Variants in C22orf39 observed in about 807,000 individuals in gnomAD.
C22orf39 encodes synaptic plasticity regulator PANTS.
Under a neutral mutation model 18.3 loss-of-function variants are expected in C22orf39, and 20 were observed. The ratio of observed to expected loss-of-function variants is 1.09; its 90% CI spans 0.77 to 1.59. The LOEUF is 1.59. C22orf39 is among the 40% of genes most tolerant of loss of function. The pLI is 0.00. For missense variants in C22orf39, 195 were observed against 156.1 expected (o/e 1.25, Z -1.33); for synonymous variants, 63 against 59.6 (o/e 1.06, Z -0.26).
Position 19,441,929 on chromosome 22 carries a change from G to A in C22orf39, c.*2336C>T. On this transcript the variant is annotated 3_prime_UTR_variant, in exon 3 of 3. Coordinates refer to ENST00000399562, the MANE Select transcript of C22orf39 (RefSeq NM_173793.5). Reference sequence around the variant, plus strand: ...CCTATCTCAGCCTCCGAAGTAGCTGGAACTACAAATGCACGCCACCATGCA... The same window carrying A: ...CCTATCTCAGCCTCCGAAGTAGCTGAAACTACAAATGCACGCCACCATGCA... 4.1e-6 allele frequency: 2 copies of A among 489,500 alleles called. No individual in the cohort carries two copies. The highest frequency in any genetic ancestry group is 7.2e-6 in the Non-Finnish European group (2 of 278,722). The allele number at this position is 489,500 out of a possible 1,614,324, so 30.3% of individuals were successfully genotyped here.
In C22orf39 at chr22:19,441,684, A is replaced by G; in HGVS notation, c.*2581T>C. The G allele has an allele frequency of 6.5e-7, 1 of 1,546,714 alleles. No homozygotes were observed. The highest frequency in any genetic ancestry group is 8.7e-7 in the Non-Finnish European group (1 of 1,142,948). On this transcript the variant is annotated 3_prime_UTR_variant, in exon 3 of 3. Coordinates refer to ENST00000399562, the MANE Select transcript of C22orf39 (RefSeq NM_173793.5). ...GCTGAGATTACAGGTGTGAGCCACCACACTTAGCACCTGTCCAAAAAGTTT... is the reference window on the plus strand; with the variant it reads ...GCTGAGATTACAGGTGTGAGCCACCGCACTTAGCACCTGTCCAAAAAGTTT...
chr22:19,447,333 C>G, intron 2 of C22orf39, 45 bp downstream of exon 2: 3 of 1,406,606 alleles, frequency 2.1e-6, no homozygotes, highest in Non-Finnish European at 2.8e-6. Context: ...AAAGCTGGGC[C>G]CCGCAAGGCG....
intron 2 of C22orf39, among the ~76,000 whole-genome samples, chr22:19,446,610 A>AAAAAAC (rs1159677642): frequency 6.6e-6 from 1 of 152,246 alleles, no homozygotes; most frequent in Non-Finnish European, 1.5e-5. Context: ...TTGCTGGACG[A>AAAAAAC]AAAAACAACT....
In C22orf39 at chr22:19,447,697, G is replaced by A. The variant is rs766770879; in HGVS notation, c.-9C>T. On this transcript the variant is annotated 5_prime_UTR_variant, in exon 1 of 3. Transcript: ENST00000399562. ...CCGCTGCCGTCCGCCATGTCTGGGC[G>A]ACCGGCGCGCCAAGCCCGCCCCTCA... The A allele has an allele frequency of 1.2e-6, 2 of 1,608,408 alleles. No homozygotes were observed. The highest frequency in any genetic ancestry group is 8.5e-7 in the Non-Finnish European group (1 of 1,178,062).
At chr22:19,447,586 C>A in intron 1 of C22orf39, 41 bp from the exon 2 acceptor site, 2 of 1,419,966 alleles carry the variant, frequency 1.4e-6, no homozygotes, top group Middle Eastern at 2.5e-4. Flanking sequence ...CCGGCGGCCG[C>A]GCCCTACGCC....
intron 2 of C22orf39, among the ~76,000 whole-genome samples, chr22:19,444,704 G>A (rs1271400067): frequency 6.6e-6 from 1 of 152,184 alleles, no homozygotes; most frequent in Non-Finnish European, 1.5e-5. Flanking sequence ...CGTGAGTCTG[G>A]GGCATATTCA....
intron 2 of C22orf39, among the ~76,000 whole-genome samples, chr22:19,445,680 C>CT (rs1019339404): frequency 2.0e-5 from 3 of 151,176 alleles, no homozygotes; most frequent in Non-Finnish European, 4.4e-5. Flanking sequence ...TTGATTTTTT[C>CT]TTTTTTTTTC....
chr22:19,443,173 G>C lies in C22orf39; in HGVS notation c.*1092C>G. On this transcript the variant is annotated 3_prime_UTR_variant, in exon 3 of 3. Transcript: ENST00000399562. ...AGCAGGGAAATACTGTTCTTTAATGGACACCCTTCTAACGTGATAGATTAT... is the reference window on the plus strand; with the variant it reads ...AGCAGGGAAATACTGTTCTTTAATGCACACCCTTCTAACGTGATAGATTAT... The C allele has an allele frequency of 1.0e-6, 1 of 983,432 alleles. No individual in the cohort carries two copies. Among genetic ancestry groups the C allele is most frequent in the South Asian group, 4.7e-5 (1 of 21,088 alleles). The allele number at this position is 983,432 out of a possible 1,614,324, so 60.9% of individuals were successfully genotyped here.
Position 19,443,098 on chromosome 22 carries a change from CTG to C in C22orf39, c.*1165_*1166del. 2.3e-4 allele frequency: 206 copies of C among 905,452 alleles called. No individual in the cohort carries two copies. Among genetic ancestry groups the C allele is most frequent in the Middle Eastern group, 5.4e-4 (1 of 1,844 alleles). 56.1% of individuals were successfully genotyped at this position (905,452 alleles called of 1,614,324 possible). On this transcript the variant is annotated 3_prime_UTR_variant, in exon 3 of 3. Coordinates refer to ENST00000399562, the MANE Select transcript of C22orf39 (RefSeq NM_173793.5). Reference sequence around the variant, plus strand: ...AGCACAACCCCCACCCCCACCCCCACTGTTCACAGACACAGGGGCTCTTAGGG... The same window carrying C: ...AGCACAACCCCCACCCCCACCCCCACTTCACAGACACAGGGGCTCTTAGGG...
Position 19,447,700 on chromosome 22 carries a change from C to A in C22orf39, c.-12G>T. 6.2e-7 allele frequency: 1 copy of A among 1,607,808 alleles called. No homozygotes were observed. On this transcript the variant is annotated 5_prime_UTR_variant, in exon 1 of 3. Transcript: ENST00000399562. ...CTGCCGTCCGCCATGTCTGGGCGAC[C>A]GGCGCGCCAAGCCCGCCCCTCAGTC...
Position 19,444,066 on chromosome 22 carries a change from A to G in C22orf39, c.*199T>C. The G allele has an allele frequency of 2.3e-6, 3 of 1,319,498 alleles. No homozygotes were observed. The highest frequency in any genetic ancestry group is 2.9e-6 in the Non-Finnish European group (3 of 1,041,050). 81.7% of individuals were successfully genotyped at this position (1,319,498 alleles called of 1,614,324 possible). A position where few individuals can be genotyped will look rare whatever the true frequency, so the allele number is the denominator to read the frequency against. ...CTAAAGCGGTGCAATTGTCCTGCAG[A>G]ACATCGCAGTGTCAGGGTATCCTGC... On this transcript the variant is annotated 3_prime_UTR_variant, in exon 3 of 3. Coordinates refer to ENST00000399562, the MANE Select transcript of C22orf39 (RefSeq NM_173793.5).
Position 19,447,531 on chromosome 22 carries a change from G to T in C22orf39, c.39C>A (p.Cys13Ter). 1.4e-6 allele frequency: 2 copies of T among 1,454,916 alleles called. No homozygotes were observed. Among genetic ancestry groups the T allele is most frequent in the Admixed American group, 2.7e-5 (1 of 37,014 alleles). The allele number at this position is 1,454,916 out of a possible 1,614,324, so 90.1% of individuals were successfully genotyped here. A position where few individuals can be genotyped will look rare whatever the true frequency, so the allele number is the denominator to read the frequency against. Residue 13 changes from cysteine to a stop codon, truncating the protein, a stop_gained, in exon 2 of 3, where the codon TGC becomes TGA. Transcript: ENST00000399562. LOFTEE classifies it high-confidence loss of function. ...DGSGWQPPRP[C>*]EAYRAEWKLC... ...GCTTCCACTCGGCGCGGTAGGCCTCGCAGGGGCGCGGCGGCTGCGGCGAGA... is the reference window on the plus strand; with the variant it reads ...GCTTCCACTCGGCGCGGTAGGCCTCTCAGGGGCGCGGCGGCTGCGGCGAGA...
At chr22:19,446,568 G>GCATCC (rs551446342) in intron 2 of C22orf39, among the ~76,000 whole-genome samples, 133 of 152,302 alleles carry the variant, frequency 8.7e-4, no homozygotes, top group African/African-American at 2.2e-3. Context: ...TATCACTCGT[G>GCATCC]CATCCCCAAG....
chr22:19,446,714 T>C (rs73383645), intron 2 of C22orf39, among the ~76,000 whole-genome samples: 4,513 of 152,006 alleles, frequency 0.03, 216 homozygotes, highest in African/African-American at 0.097. Context: ...CTCTTTTTTT[T>C]CCCCCCTGAG....
rs935043457 is a variant in C22orf39 at position 19,441,599 on chromosome 22, G to A, written c.*2666C>T. 12 of 896,904 alleles carry A rather than the reference G, an allele frequency of 1.3e-5. No homozygotes were observed. The African/African-American group carries it at 2.0e-4, about 15-fold the overall frequency. 55.6% of individuals were successfully genotyped at this position (896,904 alleles called of 1,614,324 possible). On this transcript the variant is annotated 3_prime_UTR_variant, in exon 3 of 3. Transcript: ENST00000399562. Reference sequence around the variant, plus strand: ...GCTGGAGTGCAGTGGCACGATCATAGCTGACTGCAACCTCAAACTCCTATC... The same window carrying A: ...GCTGGAGTGCAGTGGCACGATCATAACTGACTGCAACCTCAAACTCCTATC...
In C22orf39 at chr22:19,444,003, CACAAGT is replaced by C; in HGVS notation, c.*256_*261del. 8.2e-7 allele frequency: 1 copy of C among 1,219,222 alleles called. No homozygotes were observed. Among genetic ancestry groups the C allele is most frequent in the Non-Finnish European group, 1.0e-6 (1 of 978,946 alleles). The allele number at this position is 1,219,222 out of a possible 1,614,324, so 75.5% of individuals were successfully genotyped here. A position where few individuals can be genotyped will look rare whatever the true frequency, so the allele number is the denominator to read the frequency against. On this transcript the variant is annotated 3_prime_UTR_variant, in exon 3 of 3. Transcript: ENST00000399562. ...CCATGCCCAGCCTGACCTGGCTGCT[CACAAGT>C]ACCTGCCATAATGCTTGGCCTCCTG... is the stretch of plus-strand genomic sequence containing the variant.
Position 19,441,567 on chromosome 22 carries a change from T to A in C22orf39, c.*2698A>T. The A allele has an allele frequency of 1.4e-6, 1 of 698,986 alleles. No homozygotes were observed. The highest frequency in any genetic ancestry group is 2.6e-6 in the Non-Finnish European group (1 of 388,492). The allele number at this position is 698,986 out of a possible 1,614,324, so 43.3% of individuals were successfully genotyped here. The stretch of plus-strand genomic sequence containing the variant: ...ATTTAGAGATGGGGTCTTGCTCTGT[T>A]GCCCAGGCTGGAGTGCAGTGGCACG... On this transcript the variant is annotated 3_prime_UTR_variant, in exon 3 of 3. Transcript: ENST00000399562.
In C22orf39 at chr22:19,447,567, G is replaced by A. The variant is rs775592433; in HGVS notation, c.25-22C>T. 6.4e-6 allele frequency: 9 copies of A among 1,408,630 alleles called. No homozygotes were observed. The South Asian group carries it at 1.4e-4, about 22-fold the overall frequency. 87.3% of individuals were successfully genotyped at this position (1,408,630 alleles called of 1,614,324 possible). On this transcript the variant is annotated intron_variant, in intron 1 of 2. Transcript: ENST00000399562. The stretch of plus-strand genomic sequence containing the variant: ...GCGGCTGCGGCGAGAGGCGGCGCCT[G>A]AGCGGGGCCCGGCGGCCGCGCCCTA...
At chr22:19,446,839 A>ACCCT (rs2089642875) in intron 2 of C22orf39, among the ~76,000 whole-genome samples, 1 of 152,044 alleles carries the variant, frequency 6.6e-6, no homozygotes, top group Non-Finnish European at 1.5e-5. Context: ...AGTAGCTGGG[A>ACCCT]CCACAGGTGC....
Sources: allele counts gnomAD v4.1 joint callset (sites outside exome capture counted in the v4.1 genomes callset), GRCh38; gene constraint gnomAD v4.1.1; transcripts MANE v1.5; gene names NCBI Gene and HGNC (gene_info 2026-07-23, HGNC 2026-07-21).